Variants in CNTN5 observed in about 807,000 individuals in gnomAD.
CNTN5 encodes the protein contactin 5.
Under a neutral mutation model 129.1 loss-of-function variants are expected in CNTN5, and 77 were observed. The observed-to-expected ratio is 0.60, with a 90% CI of 0.50 to 0.72. CNTN5 has a LOEUF of 0.72. Among genes scored for constraint, CNTN5 ranks in the 30% least tolerant of loss-of-function variants. The pLI is 0.00. For synonymous variants in CNTN5, 509 were observed against 465.6 expected (o/e 1.09, Z -1.20); for missense variants, 1,478 against 1,328.8 (o/e 1.11, Z -1.75).
At chr11:99,125,909 A>T (rs955462975) in intron 1 of CNTN5, among the ~76,000 whole-genome samples, 4 of 152,142 alleles carry the variant, frequency 2.6e-5, no homozygotes, top group Admixed American at 2.6e-4. Context: ...AATCTACAAA[A>T]TGAGAAATAA....
intron 6 of CNTN5, among the ~76,000 whole-genome samples, chr11:99,875,081 A>G (rs1184676140): frequency 1.3e-5 from 2 of 152,274 alleles, no homozygotes; most frequent in Middle Eastern, 3.4e-3. Flanking sequence ...ATATCAAATT[A>G]TACTGATACA....
chr11:99,859,315 C>T (rs1419807800), intron 6 of CNTN5, among the ~76,000 whole-genome samples: 1 of 152,138 alleles, frequency 6.6e-6, no homozygotes, highest in Non-Finnish European at 1.5e-5. Flanking sequence ...TACATATGCA[C>T]ATTTAGGCCA....
intron 7 of CNTN5, among the ~76,000 whole-genome samples, chr11:99,949,585 G>T (rs1332866042): frequency 6.6e-6 from 1 of 152,042 alleles, no homozygotes; most frequent in Non-Finnish European, 1.5e-5. Context: ...GTAAACACTG[G>T]CCCTAGACCT....
intron 3 of CNTN5, among the ~76,000 whole-genome samples, chr11:99,757,222 AT>A (rs1448989185): frequency 1.3e-5 from 2 of 151,828 alleles, no homozygotes; most frequent in Non-Finnish European, 2.9e-5. Context: ...ATCTTCCTTC[AT>A]TTTCACATGG....
intron 1 of CNTN5, among the ~76,000 whole-genome samples, chr11:99,190,445 C>T (rs1858579432): frequency 1.3e-5 from 2 of 151,404 alleles, no homozygotes; most frequent in South Asian, 4.2e-4. Flanking sequence ...ATGTTATTAG[C>T]ATTTTGAAAG....
intron 2 of CNTN5, among the ~76,000 whole-genome samples, chr11:99,353,160 C>T (rs987559097): frequency 1.3e-5 from 2 of 152,158 alleles, no homozygotes; most frequent in Admixed American, 6.5e-5. Flanking sequence ...AGCTATTTCT[C>T]TCCAGCAGTA....
At chr11:99,987,847 A>G (rs192626506) in intron 8 of CNTN5, among the ~76,000 whole-genome samples, 32 of 152,236 alleles carry the variant, frequency 2.1e-4, no homozygotes, top group Admixed American at 5.9e-4. Context: ...CATAATTTTT[A>G]AAATAGTTTT....
chr11:100,024,833 A>G (rs1081368), intron 9 of CNTN5, among the ~76,000 whole-genome samples: 121,541 of 152,182 alleles, frequency 0.8, 49,270 homozygotes, highest in East Asian at 1. Context: ...GCTCTGAAAA[A>G]CATTCAGTTT....
intron 1 of CNTN5, among the ~76,000 whole-genome samples, chr11:99,298,732 G>A (rs1056855782): frequency 2.6e-5 from 4 of 151,968 alleles, no homozygotes; most frequent in African/African-American, 9.7e-5. Context: ...CCTAAATCCA[G>A]CCCAAAAAAC....
chr11:99,811,145 A>C (rs1946416906), intron 3 of CNTN5, among the ~76,000 whole-genome samples: 1 of 152,106 alleles, frequency 6.6e-6, no homozygotes, highest in Non-Finnish European at 1.5e-5. Context: ...GTAAAACTTA[A>C]CAGCATTGTG....
chr11:99,534,906 G>A (rs11220337), intron 2 of CNTN5, among the ~76,000 whole-genome samples: 37,739 of 151,968 alleles, frequency 0.25, 5,161 homozygotes, highest in Non-Finnish European at 0.31. Context: ...TACCCAAGAT[G>A]TGTGAAAGGT....
chr11:99,316,311 T>G (rs1373738378), intron 1 of CNTN5, among the ~76,000 whole-genome samples: 2 of 152,142 alleles, frequency 1.3e-5, no homozygotes, highest in African/African-American at 4.8e-5. Context: ...AAAGACATAT[T>G]CTTCCTACTC....
chr11:100,317,932 T>C (rs766779124), intron 21 of CNTN5, among the ~76,000 whole-genome samples: 1 of 152,152 alleles, frequency 6.6e-6, no homozygotes, highest in African/African-American at 2.4e-5. Flanking sequence ...ATTGATGATA[T>C]GTTTTATCAT....
At chr11:99,947,792 G>A (rs977732147) in intron 7 of CNTN5, among the ~76,000 whole-genome samples, 3 of 152,092 alleles carry the variant, frequency 2.0e-5, no homozygotes, top group Non-Finnish European at 2.9e-5. Context: ...TTAGTATTCA[G>A]ACTGCAATAA....
At position 100,299,243 on chromosome 11, in the gene CNTN5, GA is replaced by G; in HGVS notation, c.2473del (p.Met825TrpfsTer2). The G allele has an allele frequency of 6.2e-7, 1 of 1,610,156 alleles. No individual in the cohort carries two copies. The highest frequency in any genetic ancestry group is 1.1e-5 in the South Asian group (1 of 90,964). On this transcript the variant is annotated frameshift_variant, in exon 20 of 25. Coordinates refer to ENST00000524871, the MANE Select transcript of CNTN5 (RefSeq NM_014361.4). LOFTEE classifies it high-confidence loss of function. ...ACCCAATGGAACACGTGGCTGGAAG[GA>G]AAAAATGGTGACATCCTCTGAAGCT... is the stretch of plus-strand genomic sequence containing the variant. ...FRPNGTRGWKEKMVTSSEASK... is the reference protein window; with the variant it reads ...FRPNGTRGWKXKMVTSSEASK...
intron 2 of CNTN5, among the ~76,000 whole-genome samples, chr11:99,545,721 C>T (rs1472193368): frequency 6.6e-6 from 1 of 152,148 alleles, no homozygotes; most frequent in African/African-American, 2.4e-5. Flanking sequence ...ATGTTGAAAA[C>T]TATTTAAGTC....
chr11:99,358,014 A>T (rs1266221085), intron 2 of CNTN5, among the ~76,000 whole-genome samples: 1 of 147,306 alleles, frequency 6.8e-6, no homozygotes, highest in Non-Finnish European at 1.5e-5. Flanking sequence ...AAAAATAATA[A>T]TAATAATAAA....
chr11:99,191,043 T>C (rs1004850013), intron 1 of CNTN5, among the ~76,000 whole-genome samples: 1 of 151,558 alleles, frequency 6.6e-6, no homozygotes, highest in Non-Finnish European at 1.5e-5. Flanking sequence ...TAAGGGTGTT[T>C]ATCATAAAAG....
At chr11:100,058,052 C>T (rs1943307165) in intron 9 of CNTN5, among the ~76,000 whole-genome samples, 1 of 152,076 alleles carries the variant, frequency 6.6e-6, no homozygotes, top group African/African-American at 2.4e-5. Context: ...CTACACTTAA[C>T]TACTAGAATA....
Sources: gnomAD v4.1 joint callset for allele counts (sites outside exome capture counted in the v4.1 genomes callset) on GRCh38, gnomAD v4.1.1 for gene constraint, MANE v1.5 for transcripts, NCBI Gene and HGNC (gene_info 2026-07-23, HGNC 2026-07-21) for gene names.